SH3GL2: variants seen among roughly 807,000 people sequenced by gnomAD.
The protein encoded by SH3GL2 is SH3 domain containing GRB2 like 2, endophilin A1, also known as endophilin-A1.
A neutral mutation model predicts 46.0 loss-of-function variants in SH3GL2; 24 were observed. The ratio of observed to expected loss-of-function variants is 0.52; its 90% CI spans 0.38 to 0.73. The LOEUF is 0.73. Ranked by LOEUF, SH3GL2 falls within the 30% of genes least tolerant of loss-of-function variation. The probability of loss-of-function intolerance (pLI) is 0.00; values close to 1 mark genes in which losing one functional copy is unlikely to be tolerated. For synonymous variants in SH3GL2, 196 were observed against 147.1 expected (o/e 1.33, Z -2.40); for missense variants, 413 against 424.2 (o/e 0.97, Z 0.23).
chr9:17,758,026 C>T (rs570327955), intron 2 of SH3GL2, among the ~76,000 whole-genome samples: 1 of 152,264 alleles, frequency 6.6e-6, no homozygotes, highest in East Asian at 1.9e-4. Context: ...CAGCCTCCTA[C>T]TGGCAGATGA....
chr9:17,742,416 G>A lies in SH3GL2; in HGVS notation c.46-4650G>A, dbSNP rs533616353. Among the ~76,000 whole-genome samples the A allele has an allele frequency of 1.8e-4, 28 of 152,108 alleles. No individual in the cohort carries two copies. In the South Asian group the frequency reaches 4.6e-3, roughly 25 times the overall value. ...TTGACATTTTTCTTATTTGGTATAT[G>A]GAAAAAATATAGCATAAGACATCCA... On this transcript the variant is annotated intron_variant, in intron 1 of 8. Coordinates refer to ENST00000380607, the MANE Select transcript of SH3GL2 (RefSeq NM_003026.5).
intron 1 of SH3GL2, among the ~76,000 whole-genome samples, chr9:17,659,802 T>C (rs959935204): frequency 6.6e-6 from 1 of 152,184 alleles, no homozygotes; most frequent in African/African-American, 2.4e-5. Flanking sequence ...TTAGGAAATA[T>C]CTTCTAGTTT....
intron 1 of SH3GL2, among the ~76,000 whole-genome samples, chr9:17,701,331 A>T (rs1821338787): frequency 6.6e-6 from 1 of 152,208 alleles, no homozygotes; most frequent in African/African-American, 2.4e-5. Flanking sequence ...AAGTGTTATC[A>T]GGAGCCTAAA....
At chr9:17,623,259 A>G (rs1169101980) in intron 1 of SH3GL2, among the ~76,000 whole-genome samples, 2 of 151,928 alleles carry the variant, frequency 1.3e-5, no homozygotes, top group Admixed American at 6.6e-5. Context: ...ATACGTCTGA[A>G]TGTTGCCAGG....
intron 1 of SH3GL2, among the ~76,000 whole-genome samples, chr9:17,685,199 T>C (rs1354853218): frequency 6.6e-6 from 1 of 152,070 alleles, no homozygotes. Flanking sequence ...TTTCAAGGAA[T>C]TGGATCCTGT....
At chr9:17,768,201 C>G (rs978536323) in intron 3 of SH3GL2, among the ~76,000 whole-genome samples, 1 of 151,684 alleles carries the variant, frequency 6.6e-6, no homozygotes, top group African/African-American at 2.4e-5. Context: ...GAAACTCTGT[C>G]TCTACTAAAA....
intron 1 of SH3GL2, among the ~76,000 whole-genome samples, chr9:17,639,188 A>T (rs562556645): frequency 6.6e-6 from 1 of 152,258 alleles, no homozygotes; most frequent in African/African-American, 2.4e-5. Flanking sequence ...GAAGGCATGA[A>T]CTGCAAAAGA....
intron 1 of SH3GL2, among the ~76,000 whole-genome samples, chr9:17,612,363 A>G (rs1038954957): frequency 3.9e-5 from 6 of 152,210 alleles, no homozygotes; most frequent in Admixed American, 3.9e-4. Context: ...TGGGACTGAC[A>G]CAACCCTCTT....
At chr9:17,677,546 G>A (rs973472686) in intron 1 of SH3GL2, among the ~76,000 whole-genome samples, 1 of 151,262 alleles carries the variant, frequency 6.6e-6, no homozygotes, top group Non-Finnish European at 1.5e-5. Flanking sequence ...TTAAACTCAT[G>A]TTTTCACTTT....
chr9:17,690,294 C>T (rs1588243302), intron 1 of SH3GL2, among the ~76,000 whole-genome samples: 3 of 152,080 alleles, frequency 2.0e-5, no homozygotes, highest in African/African-American at 4.8e-5. Flanking sequence ...TTCCCCCGGG[C>T]GAGGCCTCAG....
intron 1 of SH3GL2, among the ~76,000 whole-genome samples, chr9:17,597,478 C>T (rs1588163601): frequency 6.6e-6 from 1 of 151,600 alleles, no homozygotes; most frequent in African/African-American, 2.4e-5. Flanking sequence ...GATCATGCCA[C>T]TGCACTCCAG....
intron 1 of SH3GL2, among the ~76,000 whole-genome samples, chr9:17,710,384 C>T (rs1024845868): frequency 6.6e-6 from 1 of 151,900 alleles, no homozygotes; most frequent in Admixed American, 6.6e-5. Flanking sequence ...TGAGAACGGA[C>T]TAATACAGGG....
At chr9:17,617,856 C>T (rs776335452) in intron 1 of SH3GL2, among the ~76,000 whole-genome samples, 3 of 151,960 alleles carry the variant, frequency 2.0e-5, no homozygotes, top group Admixed American at 6.6e-5. Flanking sequence ...TGTTTGTGAG[C>T]GCGAGAGAAG....
chr9:17,612,823 TCACCATTTTTC>T (rs1165147439), intron 1 of SH3GL2, among the ~76,000 whole-genome samples: 1 of 152,224 alleles, frequency 6.6e-6, no homozygotes, highest in African/African-American at 2.4e-5. Flanking sequence ...AAGCAGTCAC[TCACCATTTTTC>T]CACAGTGCCT....
At chr9:17,618,898 G>A (rs1026798809) in intron 1 of SH3GL2, among the ~76,000 whole-genome samples, 1 of 151,656 alleles carries the variant, frequency 6.6e-6, no homozygotes, top group Non-Finnish European at 1.5e-5. Context: ...AGAGAGAAAC[G>A]TCTGAAAAAG....
intron 1 of SH3GL2, among the ~76,000 whole-genome samples, chr9:17,581,653 G>C (rs904512653): frequency 3.3e-5 from 5 of 152,108 alleles, no homozygotes; most frequent in African/African-American, 9.7e-5. Flanking sequence ...ACTTCCTTTT[G>C]AGAACTGATG....
At chr9:17,741,820 G>A (rs1822536259) in intron 1 of SH3GL2, among the ~76,000 whole-genome samples, 2 of 152,070 alleles carry the variant, frequency 1.3e-5, no homozygotes, top group Non-Finnish European at 2.9e-5. Flanking sequence ...CGAGTAGTTC[G>A]TTCCAGGTAA....
intron 1 of SH3GL2, among the ~76,000 whole-genome samples, chr9:17,689,594 A>T (rs1821019164): frequency 6.6e-6 from 1 of 151,824 alleles, no homozygotes; most frequent in Non-Finnish European, 1.5e-5. Flanking sequence ...TGCATGTCTT[A>T]GCCCCTCCTC....
chr9:17,692,218 C>T (rs1821098316), intron 1 of SH3GL2, among the ~76,000 whole-genome samples: 1 of 150,506 alleles, frequency 6.6e-6, no homozygotes, highest in Non-Finnish European at 1.5e-5. Context: ...CAGCAAGGTG[C>T]AGAATATGCT....
Sources: gnomAD v4.1 joint callset for allele counts (sites outside exome capture counted in the v4.1 genomes callset) on GRCh38, gnomAD v4.1.1 for gene constraint, MANE v1.5 for transcripts, NCBI Gene and HGNC (gene_info 2026-07-23, HGNC 2026-07-21) for gene names.